ACBD5: variants seen among roughly 807,000 people sequenced by gnomAD.
The protein encoded by ACBD5 is acyl-CoA-binding domain-containing protein 5.
In ACBD5, 40 loss-of-function variants were observed where a neutral mutation model predicts 71.8. The observed-to-expected ratio is 0.56, with a 90% confidence interval of 0.43 to 0.72. ACBD5 has a LOEUF of 0.72. Ranked by LOEUF, ACBD5 falls within the 30% of genes least tolerant of loss-of-function variation. The pLI, the probability that ACBD5 is intolerant of heterozygous loss-of-function variation, is 0.00. For missense variants in ACBD5, 559 were observed against 644.5 expected (o/e 0.87, Z 1.44); for synonymous variants, 229 against 218.6 (o/e 1.05, Z -0.42).
intron 2 of ACBD5, among the ~76,000 whole-genome samples, chr10:27,237,035 AATAG>A (rs1290780349): frequency 1.3e-5 from 2 of 152,174 alleles, no homozygotes; most frequent in Non-Finnish European, 1.5e-5. Flanking sequence ...AGGAGTACCT[AATAG>A]ATAGTGTTCT....
Position 27,197,323 on chromosome 10 carries a change from A to G in ACBD5, c.*107T>C. Reference sequence around the variant, plus strand: ...ACAAACTAAACTACTGGACAACAAAAAGCAATGTAATCATCACAAACTAAG... The same window carrying G: ...ACAAACTAAACTACTGGACAACAAAGAGCAATGTAATCATCACAAACTAAG... On this transcript the variant is annotated 3_prime_UTR_variant, in exon 13 of 13. Transcript: ENST00000396271. 9.3e-7 allele frequency: 1 copy of G among 1,078,900 alleles called. No homozygotes were observed. 66.8% of individuals were successfully genotyped at this position (1,078,900 alleles called of 1,614,324 possible). A position where few individuals can be genotyped will look rare whatever the true frequency, so the allele number is the denominator to read the frequency against.
chr10:27,218,437 C>T (rs2061918658), intron 6 of ACBD5, among the ~76,000 whole-genome samples: 1 of 152,152 alleles, frequency 6.6e-6, no homozygotes, highest in Non-Finnish European at 1.5e-5. Flanking sequence ...AAAGTAATCT[C>T]TCAAAGTCTT....
At chr10:27,208,594 T>C (rs1019695265) in intron 9 of ACBD5, 149 bp from the exon 10 acceptor site, 3 of 962,842 alleles carry the variant, frequency 3.1e-6, no homozygotes, top group African/African-American at 1.6e-5. Context: ...TCCCAGCACT[T>C]TGGGAGGCTG....
intron 12 of ACBD5, among the ~76,000 whole-genome samples, chr10:27,203,654 G>A (rs1031772287): frequency 3.9e-5 from 6 of 152,102 alleles, no homozygotes; most frequent in South Asian, 2.1e-4. Flanking sequence ...CAGGAGAATC[G>A]CTTGAACCTG....
chr10:27,242,081 T>G (rs539109456), upstream of ACBD5: 26 of 452,380 alleles, frequency 5.7e-5, no homozygotes, highest in African/African-American at 4.8e-4. Context: ...GGACAAGGCC[T>G]GTCCGGTAAT....
At chr10:27,186,908 T>G (rs2058793106) in intron 13 of ACBD5, 1 of 265,934 alleles carries the variant, frequency 3.8e-6, no homozygotes, top group Non-Finnish European at 7.3e-6. Flanking sequence ...AATAAAATAA[T>G]CATACAGTTC....
intron 11 of ACBD5, 122 bp from the exon 12 acceptor site, chr10:27,204,671 T>G: frequency 1.4e-6 from 1 of 731,324 alleles, no homozygotes; most frequent in Non-Finnish European, 2.4e-6. Flanking sequence ...TCACTCCTGC[T>G]GAAAGAAGAA....
intron 7 of ACBD5, 137 bp downstream of exon 7, chr10:27,217,843 A>G (rs2061842825): frequency 1.2e-6 from 1 of 834,988 alleles, no homozygotes; most frequent in South Asian, 1.8e-5. Context: ...AAAACTATAA[A>G]TGCTTATAAT....
chr10:27,187,943 T>TATCA (rs1391616726), intron 13 of ACBD5, among the ~76,000 whole-genome samples: 1 of 152,184 alleles, frequency 6.6e-6, no homozygotes, highest in African/African-American at 2.4e-5. Flanking sequence ...TAAATATAAC[T>TATCA]ATCACAAGTA....
At chr10:27,216,284 T>C (rs113770741) in intron 7 of ACBD5, among the ~76,000 whole-genome samples, 10,601 of 152,166 alleles carry the variant, frequency 0.07, 690 homozygotes, top group African/African-American at 0.17. Context: ...GGATTACAGG[T>C]GCACACCACC....
intron 8 of ACBD5, among the ~76,000 whole-genome samples, chr10:27,211,521 A>C (rs2061077202): frequency 6.6e-6 from 1 of 152,066 alleles, no homozygotes; most frequent in African/African-American, 2.4e-5. Flanking sequence ...GGGTTTCACC[A>C]TGTTGGCCAG....
chr10:27,235,199 T>C lies in ACBD5; in HGVS notation c.195A>G (p.Pro65=). The change falls in exon 3 of 13, where the codon CCA becomes CCG. Residue 65 remains proline (P), a synonymous_variant. Coordinates refer to ENST00000396271, the MANE Select transcript of ACBD5 (RefSeq NM_145698.5). ...QSLPKNGSFQ[P]TNEMMLKFYS... ...AAAATTTAAGCATCATTTCATTTGT[T>C]GGCTGGAATGAACCTGTTGGAAACA... The C allele has an allele frequency of 1.2e-6, 2 of 1,614,006 alleles. No homozygotes were observed. Among genetic ancestry groups the C allele is most frequent in the Non-Finnish European group, 1.7e-6 (2 of 1,179,940 alleles).
intron 10 of ACBD5, among the ~76,000 whole-genome samples, chr10:27,205,638 G>A (rs2060404478): frequency 6.6e-6 from 1 of 151,698 alleles, no homozygotes; most frequent in Non-Finnish European, 1.5e-5. Context: ...TTGGCTCACT[G>A]CAACCGCTGC....
chr10:27,218,268 T>A, intron 6 of ACBD5, 85 bp from the exon 7 acceptor site: 1 of 1,078,164 alleles, frequency 9.3e-7, no homozygotes, highest in Non-Finnish European at 1.4e-6. Context: ...AGCTGTTATT[T>A]CCCTAACCTA....
At chr10:27,192,430 G>A (rs1283991267), downstream of ACBD5, among the ~76,000 whole-genome samples, 1 of 152,104 alleles carries the variant, frequency 6.6e-6, no homozygotes, top group Non-Finnish European at 1.5e-5. Flanking sequence ...TGATGTCACT[G>A]TGGTCAGGAG....
intron 7 of ACBD5, among the ~76,000 whole-genome samples, chr10:27,216,878 G>T (rs1002192434): frequency 6.6e-6 from 1 of 152,170 alleles, no homozygotes; most frequent in East Asian, 1.9e-4. Context: ...CGGGCACTGT[G>T]GCTCACGCCT....
rs910775129 is a variant in ACBD5, at chr10:27,196,181, C to T, written c.*1249G>A. On this transcript the variant is annotated 3_prime_UTR_variant, in exon 13 of 13. Coordinates refer to ENST00000396271, the MANE Select transcript of ACBD5 (RefSeq NM_145698.5). ...CGCCATTGCCCTCCAGCCTGGGCAACAAGAGAGAAACTCCATTTAAAAAAA... is the reference window on the plus strand; with the variant it reads ...CGCCATTGCCCTCCAGCCTGGGCAATAAGAGAGAAACTCCATTTAAAAAAA... The T allele has an allele frequency of 2.2e-6, 1 of 453,544 alleles. No homozygotes were observed. The highest frequency in any genetic ancestry group is 2.4e-5 in the Admixed American group (1 of 42,496). The allele number at this position is 453,544 out of a possible 1,614,324, so 28.1% of individuals were successfully genotyped here. A position where few individuals can be genotyped will look rare whatever the true frequency, so the allele number is the denominator to read the frequency against.
At chr10:27,194,615 T>TAA, downstream of ACBD5, among the ~76,000 whole-genome samples, 1 of 136,770 alleles carries the variant, frequency 7.3e-6, no homozygotes. Context: ...CCATCTCAAA[T>TAA]AATAATAATA....
intron 13 of ACBD5, chr10:27,186,364 T>C: frequency 3.7e-6 from 6 of 1,613,090 alleles, no homozygotes; most frequent in Non-Finnish European, 5.1e-6. Flanking sequence ...TGTTTTGTTT[T>C]ATATTTTTCC....
Sources: allele counts gnomAD v4.1 joint callset (sites outside exome capture counted in the v4.1 genomes callset), GRCh38; gene constraint gnomAD v4.1.1; transcripts MANE v1.5; gene names NCBI Gene and HGNC (gene_info 2026-07-23, HGNC 2026-07-21).